TIMM50: variants seen among roughly 807,000 people sequenced by gnomAD.
TIMM50 encodes the protein mitochondrial import inner membrane translocase subunit TIM50.
TIMM50 carries 34 observed loss-of-function variants against 49.6 expected under a neutral mutation model. The observed-to-expected ratio is 0.69, with a 90% CI of 0.52 to 0.91. TIMM50 has a LOEUF of 0.91. TIMM50 is among the 40% of genes least tolerant of loss of function. The pLI is 0.00. For missense variants in TIMM50, 458 were observed against 477.8 expected (o/e 0.96, Z 0.39); for synonymous variants, 199 against 198.4 (o/e 1.00, Z -0.03).
At position 39,482,044 on chromosome 19, in the gene TIMM50, T is replaced by G. The variant is rs200737809; in HGVS notation, c.259+11T>G. On this transcript the variant is annotated intron_variant, in intron 2 of 10. Coordinates refer to ENST00000607714, the MANE Select transcript of TIMM50 (RefSeq NM_001001563.5). Reference sequence around the variant, plus strand: ...TCGTCTATATCTTTGGTGAGGGACATATCCCTGTCCCCCAGTTTTGTTCCT... The same window carrying G: ...TCGTCTATATCTTTGGTGAGGGACAGATCCCTGTCCCCCAGTTTTGTTCCT... 304 of 1,610,890 alleles carry G rather than the reference T, an allele frequency of 1.9e-4. No homozygotes were observed. Among genetic ancestry groups the G allele is most frequent in the Non-Finnish European group, 2.5e-4 (290 of 1,177,336 alleles).
chr19:39,481,867 C>T lies in TIMM50; in HGVS notation c.109-16C>T, dbSNP rs773911858. Reference sequence around the variant, plus strand: ...CTCTCTTCTCTCTTGGCTGACCTCCCCTTTCTCAACCGCAGGCCGCAGAGA... The same window carrying T: ...CTCTCTTCTCTCTTGGCTGACCTCCTCTTTCTCAACCGCAGGCCGCAGAGA... On this transcript the variant is annotated splice_polypyrimidine_tract_variant and intron_variant, in intron 1 of 10. Transcript: ENST00000607714. The T allele has an allele frequency of 1.9e-6, 3 of 1,608,938 alleles. No homozygotes were observed. Among genetic ancestry groups the T allele is most frequent in the Admixed American group, 1.7e-5 (1 of 59,952 alleles).
At chr19:39,485,637 C>T (rs1171721150) in intron 5 of TIMM50, 35 bp downstream of exon 5, 1 of 1,614,148 alleles carries the variant, frequency 6.2e-7, no homozygotes, top group Non-Finnish European at 8.5e-7. Flanking sequence ...CCCCATGTCT[C>T]CAGCCCTGGC....
chr19:39,488,184 C>T lies in TIMM50; in HGVS notation c.820C>T (p.Arg274Trp), dbSNP rs1473081356. Residue 274 changes from arginine to tryptophan, a missense_variant, in exon 9 of 11, where the codon CGG becomes TGG. Physicochemically the swap from Arg to Trp is moderately radical, Grantham distance 101 (BLOSUM62 -3). Transcript: ENST00000607714. ...GCCCTGGGACGGCAACTCTGATGAC[C>T]GGGTCTTGTTGGATCTGTCTGCCTT... ...LRPWDGNSDD[R>W]VLLDLSAFLK... The T allele has an allele frequency of 5.6e-6, 9 of 1,613,916 alleles. No individual in the cohort carries two copies. The highest frequency in any genetic ancestry group is 4.5e-5 in the East Asian group (2 of 44,866).
At chr19:39,483,525 A>G in intron 4 of TIMM50, 1 of 223,450 alleles carries the variant, frequency 4.5e-6, no homozygotes, top group Non-Finnish European at 8.8e-6. Flanking sequence ...TTTCAAAACT[A>G]TGCCGCCTTC....
intron 8 of TIMM50, among the ~76,000 whole-genome samples, chr19:39,487,451 A>G (rs1369448947): frequency 6.7e-6 from 1 of 150,004 alleles, no homozygotes; most frequent in Non-Finnish European, 1.5e-5. Flanking sequence ...TTTTATTTTT[A>G]TTTTTATTTA....
Position 39,489,981 on chromosome 19 carries a change from T to G in TIMM50, c.*161T>G. 1.5e-6 allele frequency: 1 copy of G among 682,858 alleles called. No homozygotes were observed. Among genetic ancestry groups the G allele is most frequent in the East Asian group, 2.7e-5 (1 of 36,500 alleles). The allele number at this position is 682,858 out of a possible 1,614,324, so 42.3% of individuals were successfully genotyped here. ...GCATCAGGGTGAGGTCCGGGACTCT[T>G]GGGTCATCGTCCCACAGTGGCTGAT... On this transcript the variant is annotated 3_prime_UTR_variant, in exon 11 of 11. Transcript: ENST00000607714.
At chr19:39,483,588 G>T in intron 4 of TIMM50, 1 of 176,036 alleles carries the variant, frequency 5.7e-6, no homozygotes, top group Non-Finnish European at 1.2e-5. Context: ...ATGACAAATT[G>T]GATAGTAGAG....
intron 4 of TIMM50, chr19:39,483,630 TC>T (rs2079486714): frequency 2.5e-5 from 4 of 157,252 alleles, no homozygotes; most frequent in African/African-American, 9.6e-5. Context: ...ACCTGGCTCT[TC>T]CTAGGAGAAA....
rs138073292 is a variant in TIMM50 at position 39,487,731 on chromosome 19, G to T, written c.697-330G>T. On this transcript the variant is annotated intron_variant, in intron 8 of 10. Coordinates refer to ENST00000607714, the MANE Select transcript of TIMM50 (RefSeq NM_001001563.5). Reference sequence around the variant, plus strand: ...ACCTTGGCCTCCCAAAATTCTGGGAGTACGGTCGTGAGCCACCGCACCCGG... The same window carrying T: ...ACCTTGGCCTCCCAAAATTCTGGGATTACGGTCGTGAGCCACCGCACCCGG... Among the ~76,000 whole-genome samples, 1,317 of 152,242 alleles carry T rather than the reference G, an allele frequency of 8.7e-3. 19 individuals are homozygous for T. The highest frequency in any genetic ancestry group is 0.03 in the African/African-American group (1,228 of 41,552).
chr19:39,489,912 C>A lies in TIMM50; in HGVS notation c.*92C>A. 8.3e-7 allele frequency: 1 copy of A among 1,206,674 alleles called. No individual in the cohort carries two copies. Among genetic ancestry groups the A allele is most frequent in the African/African-American group, 1.5e-5 (1 of 66,486 alleles). 74.7% of individuals were successfully genotyped at this position (1,206,674 alleles called of 1,614,324 possible). The stretch of plus-strand genomic sequence containing the variant: ...CCACCACTTGTCCAATAAAGTACAT[C>A]CCAGACGCCACACCTGCTGTGTCCC... On this transcript the variant is annotated 3_prime_UTR_variant, in exon 11 of 11. Transcript: ENST00000607714.
intron 4 of TIMM50, among the ~76,000 whole-genome samples, chr19:39,484,404 TA>T (rs956947269): frequency 2.7e-5 from 4 of 150,886 alleles, no homozygotes; most frequent in African/African-American, 9.7e-5. Flanking sequence ...TCTCCATCTC[TA>T]AAAAAAAATA....
chr19:39,486,631 G>A (rs1304969434), intron 8 of TIMM50, 136 bp downstream of exon 8: 2 of 782,082 alleles, frequency 2.6e-6, no homozygotes, highest in African/African-American at 3.4e-5. Flanking sequence ...GCAGGCACAT[G>A]CCTGCCTCTA....
chr19:39,481,185 C>A lies in TIMM50; in HGVS notation c.108+224C>A, dbSNP rs976135333. The A allele has an allele frequency of 4.3e-5, 25 of 581,440 alleles. No homozygotes were observed. The East Asian group carries it at 8.1e-4, about 19-fold the overall frequency. The allele number at this position is 581,440 out of a possible 1,614,324, so 36.0% of individuals were successfully genotyped here. On this transcript the variant is annotated intron_variant, in intron 1 of 10. Coordinates refer to ENST00000607714, the MANE Select transcript of TIMM50 (RefSeq NM_001001563.5). ...CCCCACCTCCCACCCACGTGGGTGCCGGAGGAGGAGGGGGTTACCGTTCCC... is the reference window on the plus strand; with the variant it reads ...CCCCACCTCCCACCCACGTGGGTGCAGGAGGAGGAGGGGGTTACCGTTCCC...
At chr19:39,481,347 C>G (rs1268972440) in intron 1 of TIMM50, 2 of 314,078 alleles carry the variant, frequency 6.4e-6, no homozygotes, top group Non-Finnish European at 1.2e-5. Context: ...TTCGACTTGC[C>G]TCCATGTTGA....
At chr19:39,486,031 C>T (rs780305463) in intron 6 of TIMM50, 156 bp from the exon 7 acceptor site, 72 of 1,063,950 alleles carry the variant, frequency 6.8e-5, no homozygotes, top group South Asian at 8.5e-5. Context: ...GAGCCAGACC[C>T]GCAGTCACAG....
In TIMM50 at chr19:39,489,771, T is replaced by C; in HGVS notation, c.1013T>C (p.Phe338Ser). The change falls in exon 11 of 11, where the codon TTC (phenylalanine) becomes TCC (serine). Residue 338 changes from phenylalanine (F) to serine (S), a missense_variant. By Grantham distance (155) the Phe-to-Ser change is radical. Transcript: ENST00000607714. ...ELSKSNKQNL[F>S]LGSLTSRLWP... is the part of the protein sequence containing the mutation. Reference sequence around the variant, plus strand: ...TCCAAGTCCAACAAGCAGAACCTCTTCCTTGGCTCCCTCACCAGCCGCTTG... The same window carrying C: ...TCCAAGTCCAACAAGCAGAACCTCTCCCTTGGCTCCCTCACCAGCCGCTTG... 1 of 1,612,338 alleles carries C rather than the reference T, an allele frequency of 6.2e-7. No homozygotes were observed. Among genetic ancestry groups the C allele is most frequent in the Non-Finnish European group, 8.5e-7 (1 of 1,179,444 alleles).
intron 4 of TIMM50, among the ~76,000 whole-genome samples, chr19:39,484,481 C>G (rs1302799630): frequency 6.6e-6 from 1 of 152,034 alleles, no homozygotes; most frequent in African/African-American, 2.4e-5. Context: ...CACCCTTGGC[C>G]CTATTGACGC....
rs910102722 is a variant in TIMM50 at position 39,481,959 on chromosome 19, A to G, written c.185A>G (p.Tyr62Cys). 2 of 1,614,174 alleles carry G rather than the reference A, an allele frequency of 1.2e-6. No homozygotes were observed. The highest frequency in any genetic ancestry group is 1.7e-5 in the Admixed American group (1 of 60,020). The stretch of plus-strand genomic sequence containing the variant: ...CAGCCGGGCTCAGAGGGTCCCAGCT[A>G]TGCCAAAAAAGTTGCGCTCTGGCTT... ...QQQPGSEGPS[Y>C]AKKVALWLAG... is the part of the protein sequence containing the mutation. Residue 62 changes from tyrosine (Y) to cysteine (C), a missense_variant, in exon 2 of 11, where the codon TAT becomes TGT. By Grantham distance (194) the Tyr-to-Cys change is radical (BLOSUM62 -2). Coordinates refer to ENST00000607714, the MANE Select transcript of TIMM50 (RefSeq NM_001001563.5).
At chr19:39,488,011 G>A in intron 8 of TIMM50, 50 bp from the exon 9 acceptor site, 3 of 1,571,314 alleles carry the variant, frequency 1.9e-6, no homozygotes, top group Non-Finnish European at 2.6e-6. Context: ...TCTTCTTGAT[G>A]GGGGGAGAGT....
Sources: gnomAD v4.1 joint callset for allele counts (sites outside exome capture counted in the v4.1 genomes callset) on GRCh38, gnomAD v4.1.1 for gene constraint, MANE v1.5 for transcripts, NCBI Gene and HGNC (gene_info 2026-07-23, HGNC 2026-07-21) for gene names.